HAVCR1: variants seen among roughly 807,000 people sequenced by gnomAD.
HAVCR1 encodes hepatitis A virus cellular receptor 1.
Under a neutral mutation model 32.0 loss-of-function variants are expected in HAVCR1, and 34 were observed. That is an observed-to-expected ratio of 1.06 (90% CI 0.81 to 1.42). The LOEUF is 1.42. Among genes scored for constraint, HAVCR1 ranks in the 40% most tolerant of loss-of-function variants. HAVCR1 has a pLI of 0.00. For missense variants in HAVCR1, 420 were observed against 442.3 expected, an observed-to-expected ratio of 0.95 and a Z score of 0.45; for synonymous variants, 178 against 170.3, an observed-to-expected ratio of 1.05 and a Z score of -0.35.
chr5:157,063,664 A>G (rs192329262), upstream of HAVCR1, among the ~76,000 whole-genome samples: 41 of 152,342 alleles, frequency 2.7e-4, no homozygotes, highest in Non-Finnish European at 2.8e-4. Context: ...AGCATATTAC[A>G]AGTTGAGGAA....
chr5:157,045,070 T>A (rs1198186326), intron 5 of HAVCR1, among the ~76,000 whole-genome samples: 1 of 152,120 alleles, frequency 6.6e-6, no homozygotes, highest in African/African-American at 2.4e-5. Flanking sequence ...CCAAACCCTA[T>A]AGAGACCATG....
Position 157,057,935 on chromosome 5 carries a change from A to G in HAVCR1, c.9T>C (p.Pro3=). The G allele has an allele frequency of 6.2e-7, 1 of 1,613,540 alleles. No homozygotes were observed. Among genetic ancestry groups the G allele is most frequent in the Non-Finnish European group, 8.5e-7 (1 of 1,179,614 alleles). The change falls in exon 2 of 9, where the codon CCT becomes CCC. Residue 3 remains proline (P), a synonymous_variant. Coordinates refer to ENST00000523175, the MANE Select transcript of HAVCR1 (RefSeq NM_001173393.3). ...GGATGAGGCTTAAGATGACCACTTG[A>G]GGATGCATTATGGGATCAGCCTGAA... MH[P]QVVILSLILH...
At chr5:157,066,811 G>A in the HAVCR1 span, among the ~76,000 whole-genome samples, 2 of 152,210 alleles carry the variant, frequency 1.3e-5, no homozygotes, top group African/African-American at 4.8e-5. Flanking sequence ...TAAGGGCCGG[G>A]CACGGTGGCT....
chr5:157,054,192 A>AAG (rs1561601873), intron 3 of HAVCR1, among the ~76,000 whole-genome samples: 4 of 146,190 alleles, frequency 2.7e-5, no homozygotes, highest in African/African-American at 1.0e-4. Flanking sequence ...CTCCATCTCA[A>AAG]AAAAAAAAAA....
intron 5 of HAVCR1, 89 bp from the exon 6 acceptor site, chr5:157,042,771 C>T (rs777083513): frequency 1.4e-5 from 11 of 794,456 alleles, no homozygotes; most frequent in Admixed American, 4.3e-5. Flanking sequence ...TACCTTCTGG[C>T]GATGAAAAGT....
At chr5:157,056,030 A>G (rs563377638) in intron 2 of HAVCR1, among the ~76,000 whole-genome samples, 15 of 150,950 alleles carry the variant, frequency 9.9e-5, no homozygotes, top group African/African-American at 3.4e-4. Flanking sequence ...GCTCACTGCT[A>G]CCCCCGCCTC....
chr5:157,047,275 G>A (rs1002375863), intron 5 of HAVCR1, among the ~76,000 whole-genome samples: 1 of 152,116 alleles, frequency 6.6e-6, no homozygotes, highest in African/African-American at 2.4e-5. Context: ...AAAAGGCCTG[G>A]GTGCGGTGGC....
the HAVCR1 span, among the ~76,000 whole-genome samples, chr5:157,064,948 G>A: frequency 6.6e-6 from 1 of 152,312 alleles, no homozygotes; most frequent in South Asian, 2.1e-4. Flanking sequence ...AGTATGTTGA[G>A]TTTGACATGT....
chr5:157,044,627 A>AAGAAAGAAAGAAAGAAAGAAAG (rs1755227920), intron 5 of HAVCR1, among the ~76,000 whole-genome samples: 3 of 61,594 alleles, frequency 4.9e-5, no homozygotes, highest in East Asian at 1.0e-3. Flanking sequence ...GAAAGAAAGA[A>AAGAAAGAAAGAAAGAAAGAAAG]AGAAAGAAAG....
At chr5:157,040,721 G>A (rs12519754) in intron 6 of HAVCR1, among the ~76,000 whole-genome samples, 9,201 of 152,128 alleles carry the variant, frequency 0.06, 710 homozygotes, top group African/African-American at 0.18. Context: ...CCAACGTGGT[G>A]AAATTCCATC....
At chr5:157,044,619 A>G (rs199630569) in intron 5 of HAVCR1, among the ~76,000 whole-genome samples, 436 of 33,280 alleles carry the variant, frequency 0.013, no homozygotes, top group Middle Eastern at 0.05. Flanking sequence ...AAGAAAGAGA[A>G]AGAAAGAAAG....
intron 3 of HAVCR1, among the ~76,000 whole-genome samples, chr5:157,054,190 CAAAAAAAAAA>C (rs900551230): frequency 7.1e-5 from 3 of 42,210 alleles, no homozygotes; most frequent in East Asian, 7.3e-4. Context: ...GACTCCATCT[CAAAAAAAAAA>C]AAAAAAAAAA....
intron 8 of HAVCR1, 63 bp from the exon 9 acceptor site, chr5:157,029,904 T>C (rs774814370): frequency 4.1e-5 from 57 of 1,382,176 alleles, no homozygotes; most frequent in Middle Eastern, 4.0e-4. Context: ...TTCTCACATA[T>C]AAGCTGCACT....
chr5:157,044,633 G>GAA (rs764863342), intron 5 of HAVCR1, among the ~76,000 whole-genome samples: 1,552 of 75,272 alleles, frequency 0.021, 47 homozygotes, highest in African/African-American at 0.031. Context: ...AAGAAAGAAA[G>GAA]AAAGAAAGAA....
chr5:157,029,722 A>C lies in HAVCR1; in HGVS notation c.*11T>G. 4 of 1,613,074 alleles carry C rather than the reference A, an allele frequency of 2.5e-6. No individual in the cohort carries two copies. The highest frequency in any genetic ancestry group is 3.4e-6 in the Non-Finnish European group (4 of 1,179,942). On this transcript the variant is annotated 3_prime_UTR_variant, in exon 9 of 9. Coordinates refer to ENST00000523175, the MANE Select transcript of HAVCR1 (RefSeq NM_001173393.3). ...TCATGGGCGTAAACTCTCAAAGAGCACCACTGGGTCTTAGTCCGTGGCATA... is the reference window on the plus strand; with the variant it reads ...TCATGGGCGTAAACTCTCAAAGAGCCCCACTGGGTCTTAGTCCGTGGCATA...
intron 7 of HAVCR1, among the ~76,000 whole-genome samples, chr5:157,033,240 A>G (rs774769469): frequency 2.6e-5 from 4 of 152,152 alleles, no homozygotes; most frequent in Non-Finnish European, 4.4e-5. Context: ...TTTTAGATGA[A>G]CTGGGTCATA....
chr5:157,036,946 G>A (rs762497847), intron 7 of HAVCR1, among the ~76,000 whole-genome samples: 1 of 151,608 alleles, frequency 6.6e-6, no homozygotes, highest in Non-Finnish European at 1.5e-5. Context: ...GGCTAGTCTT[G>A]AACTCCTGGG....
chr5:157,054,349 C>G (rs1006063796), intron 3 of HAVCR1, among the ~76,000 whole-genome samples: 9 of 151,860 alleles, frequency 5.9e-5, no homozygotes, highest in African/African-American at 4.8e-5. Flanking sequence ...ACACAAAATA[C>G]AAAAACTAGC....
intron 1 of HAVCR1, chr5:157,058,221 C>A (rs923962045): frequency 2.5e-6 from 1 of 393,050 alleles, no homozygotes; most frequent in East Asian, 4.7e-5. Context: ...CCACACATAA[C>A]CGCCAAACTG....
Sources: allele counts gnomAD v4.1 joint callset (sites outside exome capture counted in the v4.1 genomes callset), GRCh38; gene constraint gnomAD v4.1.1; transcripts MANE v1.5; gene names NCBI Gene and HGNC (gene_info 2026-07-23, HGNC 2026-07-21).